ADAMTS6: variants seen among roughly 807,000 people sequenced by gnomAD.
ADAMTS6 encodes the protein ADAM metallopeptidase with thrombospondin type 1 motif 6.
A neutral mutation model predicts 144.3 loss-of-function variants in ADAMTS6; 23 were observed. That is an observed-to-expected ratio of 0.16 (90% confidence interval 0.11 to 0.23). The LOEUF (loss-of-function observed/expected upper bound fraction) is 0.23, where lower values mean the gene tolerates loss of function less well. Ranked by LOEUF, ADAMTS6 falls within the 10% of genes least tolerant of loss-of-function variation. The pLI is 1.00. For missense variants in ADAMTS6, 999 were observed against 1,379.6 expected, an observed-to-expected ratio of 0.72 and a Z score of 4.37; for synonymous variants, 444 against 457.5, an observed-to-expected ratio of 0.97 and a Z score of 0.38.
chr5:65,151,940 T>C lies in ADAMTS6; in HGVS notation c.3250A>G (p.Lys1084Glu). 3 of 1,612,482 alleles carry C rather than the reference T, an allele frequency of 1.9e-6. No individual in the cohort carries two copies. Among genetic ancestry groups the C allele is most frequent in the Non-Finnish European group, 2.5e-6 (3 of 1,178,654 alleles). The change falls in exon 25 of 25, where the codon AAA becomes GAA. Residue 1084 changes from lysine (K) to glutamate (E), a missense_variant. Coordinates refer to ENST00000381055, the MANE Select transcript of ADAMTS6 (RefSeq NM_197941.4). The part of the protein sequence containing the change: ...STPISNTEEC[K>E]DVNKVAYCPL... ...CAATAAGCCACTTTATTCACATCTT[T>C]GCACTCTAACGAATGGGGGCAGAAA...
chr5:65,215,633 A>G, intron 18 of ADAMTS6, 146 bp from the exon 19 acceptor site: 1 of 670,514 alleles, frequency 1.5e-6, no homozygotes. Context: ...TACAAATTAA[A>G]ATGGTATTTT....
chr5:65,193,989 T>C (rs1411291833), intron 21 of ADAMTS6, among the ~76,000 whole-genome samples: 1 of 152,226 alleles, frequency 6.6e-6, no homozygotes, highest in Non-Finnish European at 1.5e-5. Context: ...GAAAAAATAC[T>C]GGAAATATAT....
chr5:65,320,141 C>G (rs1304478213), intron 9 of ADAMTS6, among the ~76,000 whole-genome samples: 1 of 152,132 alleles, frequency 6.6e-6, no homozygotes, highest in Non-Finnish European at 1.5e-5. Context: ...TCGCGCCTGG[C>G]CACCAAAAGA....
At chr5:65,258,081 T>C (rs1250464316) in intron 14 of ADAMTS6, among the ~76,000 whole-genome samples, 2 of 152,172 alleles carry the variant, frequency 1.3e-5, no homozygotes, top group African/African-American at 4.8e-5. Flanking sequence ...ACAATTTTAA[T>C]AGAATTAAAT....
intron 9 of ADAMTS6, among the ~76,000 whole-genome samples, chr5:65,317,291 A>T (rs1745098699): frequency 6.6e-6 from 1 of 152,218 alleles, no homozygotes; most frequent in Non-Finnish European, 1.5e-5. Flanking sequence ...GAAAAACATT[A>T]TCAACAAAAG....
In ADAMTS6 at chr5:65,172,828, T is replaced by C; in HGVS notation, c.3087+4A>G. ...AGCAGGAGCCCACAGTACAAACGCCTTACCTGGCCCCAGTCTCCTGTGACC... is the reference window on the plus strand; with the variant it reads ...AGCAGGAGCCCACAGTACAAACGCCCTACCTGGCCCCAGTCTCCTGTGACC... On this transcript the variant is annotated splice_donor_region_variant and intron_variant, in intron 23 of 24. Transcript: ENST00000381055. The C allele has an allele frequency of 1.9e-6, 3 of 1,613,412 alleles. No homozygotes were observed. The highest frequency in any genetic ancestry group is 2.5e-6 in the Non-Finnish European group (3 of 1,179,676).
intron 23 of ADAMTS6, among the ~76,000 whole-genome samples, chr5:65,172,147 G>GCTCA (rs1753669029): frequency 1.3e-5 from 2 of 148,600 alleles, no homozygotes; most frequent in Non-Finnish European, 3.0e-5. Flanking sequence ...AGGCGCGGTG[G>GCTCA]CTCACACCTG....
intron 7 of ADAMTS6, 112 bp downstream of exon 7, chr5:65,451,363 A>G: frequency 8.5e-7 from 1 of 1,172,554 alleles, no homozygotes; most frequent in Non-Finnish European, 1.2e-6. Flanking sequence ...ATAAATTACC[A>G]TTTTGCTTTC....
intron 15 of ADAMTS6, among the ~76,000 whole-genome samples, chr5:65,228,360 T>A (rs1275278117): frequency 1.3e-5 from 2 of 152,188 alleles, no homozygotes; most frequent in Admixed American, 6.5e-5. Context: ...CCCACTATAC[T>A]AAGTGATGAA....
intron 7 of ADAMTS6, among the ~76,000 whole-genome samples, chr5:65,353,928 T>C (rs1240192902): frequency 6.6e-6 from 1 of 151,970 alleles, no homozygotes; most frequent in African/African-American, 2.4e-5. Context: ...GATTATTAAA[T>C]TGTTGCAGTA....
At chr5:65,234,071 T>A (rs1758471296) in intron 15 of ADAMTS6, among the ~76,000 whole-genome samples, 3 of 138,180 alleles carry the variant, frequency 2.2e-5, no homozygotes, top group African/African-American at 2.7e-5. Context: ...AAATAGATGG[T>A]CACGTGCAAA....
chr5:65,346,614 G>C (rs764185178), intron 7 of ADAMTS6, among the ~76,000 whole-genome samples: 2 of 151,370 alleles, frequency 1.3e-5, no homozygotes, highest in Non-Finnish European at 3.0e-5. Context: ...CATAGTACTG[G>C]AAGTCCTAGG....
At chr5:65,368,821 G>A (rs1482960814) in intron 7 of ADAMTS6, among the ~76,000 whole-genome samples, 1 of 152,148 alleles carries the variant, frequency 6.6e-6, no homozygotes, top group Non-Finnish European at 1.5e-5. Context: ...TTGGGAGGCC[G>A]AGGCGGGTGT....
chr5:65,418,452 C>T (rs1170376593), intron 7 of ADAMTS6, among the ~76,000 whole-genome samples: 1 of 152,074 alleles, frequency 6.6e-6, no homozygotes, highest in Non-Finnish European at 1.5e-5. Context: ...CAAATAGGGG[C>T]TTTTTCCCTA....
At chr5:65,394,190 T>G (rs1753152490) in intron 7 of ADAMTS6, among the ~76,000 whole-genome samples, 1 of 152,226 alleles carries the variant, frequency 6.6e-6, no homozygotes, top group Non-Finnish European at 1.5e-5. Context: ...GTTCCCTTGT[T>G]TCTCTTGCAA....
At chr5:65,268,228 T>C (rs533438835) in intron 12 of ADAMTS6, among the ~76,000 whole-genome samples, 21 of 152,332 alleles carry the variant, frequency 1.4e-4, no homozygotes, top group African/African-American at 5.1e-4. Flanking sequence ...TACTGGGCTA[T>C]ATCTCTAATT....
chr5:65,352,887 A>C (rs1309215057), intron 7 of ADAMTS6, among the ~76,000 whole-genome samples: 1 of 152,084 alleles, frequency 6.6e-6, no homozygotes, highest in Admixed American at 6.6e-5. Context: ...ATGGCCTATA[A>C]GACCCTAAAT....
chr5:65,228,243 GC>G (rs1757870980), intron 15 of ADAMTS6, among the ~76,000 whole-genome samples: 3 of 100,984 alleles, frequency 3.0e-5, no homozygotes, highest in Non-Finnish European at 6.0e-5. Flanking sequence ...TGTGCATTAG[GC>G]TTTAAAAAGA....
chr5:65,250,028 AG>A (rs1760012280), intron 14 of ADAMTS6, among the ~76,000 whole-genome samples: 1 of 152,208 alleles, frequency 6.6e-6, no homozygotes, highest in Admixed American at 6.5e-5. Flanking sequence ...AGCACTAGAT[AG>A]AAATTCCATG....
Sources: gnomAD v4.1 joint callset for allele counts (sites outside exome capture counted in the v4.1 genomes callset) on GRCh38, gnomAD v4.1.1 for gene constraint, MANE v1.5 for transcripts, NCBI Gene and HGNC (gene_info 2026-07-23, HGNC 2026-07-21) for gene names.